SPTBN1: variants seen among roughly 807,000 people sequenced by gnomAD.
The protein encoded by SPTBN1 is spectrin beta chain, non-erythrocytic 1.
SPTBN1 carries 32 observed loss-of-function variants against 266.4 expected under a neutral mutation model. That is an observed-to-expected ratio of 0.12 (90% CI 0.09 to 0.16). The LOEUF is 0.16. Ranked by LOEUF, SPTBN1 falls within the 10% of genes least tolerant of loss-of-function variation. SPTBN1 has a pLI of 1.00. For missense variants in SPTBN1, 2,296 were observed against 3,067.1 expected (o/e 0.75, Z 5.94); for synonymous variants, 1,336 against 1,162.2 (o/e 1.15, Z -3.04).
chr2:54,534,456 T>C (rs954514237), intron 2 of SPTBN1, among the ~76,000 whole-genome samples: 15 of 152,204 alleles, frequency 9.9e-5, no homozygotes, highest in African/African-American at 3.4e-4. Context: ...AAAGAGCATT[T>C]TATATCCAAG....
intron 6 of SPTBN1, 52 bp from the exon 7 acceptor site, chr2:54,618,026 T>C: frequency 1.4e-6 from 2 of 1,416,576 alleles, no homozygotes; most frequent in Non-Finnish European, 2.0e-6. Flanking sequence ...TCATTAGTCA[T>C]ATTTCTTTTC....
At chr2:54,499,350 C>T (rs555691545) in intron 1 of SPTBN1, among the ~76,000 whole-genome samples, 13 of 152,208 alleles carry the variant, frequency 8.5e-5, no homozygotes, top group South Asian at 2.1e-4. Context: ...CCATACCACC[C>T]GATGCAGTTT....
chr2:54,565,459 G>A (rs1391931441), intron 2 of SPTBN1, among the ~76,000 whole-genome samples: 1 of 152,188 alleles, frequency 6.6e-6, no homozygotes, highest in Non-Finnish European at 1.5e-5. Context: ...ACCCTCAGGT[G>A]GGGTCAGTTA....
intron 1 of SPTBN1, among the ~76,000 whole-genome samples, chr2:54,520,795 A>G (rs745643267): frequency 2.4e-4 from 36 of 151,920 alleles, no homozygotes; most frequent in Non-Finnish European, 4.3e-4. Flanking sequence ...TATTCATTCA[A>G]AAGTTATTTA....
At position 54,645,319 on chromosome 2, in the gene SPTBN1, G is replaced by A. The variant is rs756028022; in HGVS notation, c.4360G>A (p.Asp1454Asn). The A allele has an allele frequency of 6.2e-7, 1 of 1,614,210 alleles. No individual in the cohort carries two copies. The highest frequency in any genetic ancestry group is 8.5e-7 in the Non-Finnish European group (1 of 1,180,038). ...QALSQEGKST[D>N]EVDSKRLTVQ... The stretch of plus-strand genomic sequence containing the variant: ...CCTGAGTCAGGAAGGGAAGAGCACC[G>A]ACGAGGTAGACAGCAAGCGCCTCAC... Residue 1454 changes from aspartate (D) to asparagine (N), a missense_variant, in exon 21 of 36, where the codon GAC (aspartate) becomes AAC (asparagine). Physicochemically the swap from Asp to Asn is conservative, Grantham distance 23. This residue lies in a region of SPTBN1 where 386 missense variants were observed against 486.1 expected (regional missense o/e 0.79). Transcript: ENST00000356805. This position sits in a 1 kb window ranked among gnomAD's most constrained non-coding sequence, Gnocchi z 4.3.
Position 54,612,322 on chromosome 2 carries a change from C to T in SPTBN1, c.462C>T (p.Ile154=), listed in dbSNP as rs751710459. ...RLTLGLIWTI[I]LRFQIQDISV... Reference sequence around the variant, plus strand: ...CCCTTGGCCTCATCTGGACCATCATCCTGCGCTTCCAGGTAAGGGTCTCTG... The same window carrying T: ...CCCTTGGCCTCATCTGGACCATCATTCTGCGCTTCCAGGTAAGGGTCTCTG... Residue 154 remains isoleucine, a synonymous_variant, in exon 4 of 36, where the codon ATC becomes ATT. Transcript: ENST00000356805. 1.2e-6 allele frequency: 2 copies of T among 1,612,142 alleles called. No individual in the cohort carries two copies. Among genetic ancestry groups the T allele is most frequent in the South Asian group, 2.2e-5 (2 of 90,876 alleles).
At chr2:54,605,153 T>C (rs1676758152) in intron 3 of SPTBN1, among the ~76,000 whole-genome samples, 1 of 152,174 alleles carries the variant, frequency 6.6e-6, no homozygotes, top group Admixed American at 6.5e-5. Flanking sequence ...CTCTGCTCCA[T>C]TGTGTTTAAT....
chr2:54,599,212 A>G lies in SPTBN1; in HGVS notation c.269A>G (p.Lys90Arg), dbSNP rs1200931698. The change falls in exon 3 of 36, where the codon AAG (lysine) becomes AGG (arginine). Residue 90 changes from lysine to arginine, a missense_variant. Lys to Arg is a conservative substitution (Grantham distance 26). Coordinates refer to ENST00000356805, the MANE Select transcript of SPTBN1 (RefSeq NM_003128.3). ...CTTCGAGATGGACGGATGCTCATCA[A>G]GCTGCTGGAGGTCCTCTCTGGAGAG... Reference protein sequence around the residue: ...TDLRDGRMLIKLLEVLSGERL... With the variant: ...TDLRDGRMLIRLLEVLSGERL... 3 of 1,614,062 alleles carry G rather than the reference A, an allele frequency of 1.9e-6. No homozygotes were observed. The highest frequency in any genetic ancestry group is 1.7e-5 in the Admixed American group (1 of 59,990).
intron 29 of SPTBN1, among the ~76,000 whole-genome samples, chr2:54,656,880 G>C (rs901013384): frequency 6.6e-6 from 1 of 152,188 alleles, no homozygotes; most frequent in Non-Finnish European, 1.5e-5. Flanking sequence ...CCGGGCACCA[G>C]CTTGTACACC....
rs542795935 is a variant in SPTBN1, at chr2:54,645,375, G to C, written c.4416G>C (p.Glu1472Asp). ...TVQTKFMELL[E>D]PLNERKHNLL... ...AGACCAAGTTCATGGAGTTGCTGGA[G>C]CCCTTGAACGAGAGGAAGCATAACC... Residue 1472 changes from glutamate (E) to aspartate (D), a missense_variant, in exon 21 of 36, where the codon GAG becomes GAC. Physicochemically the swap from Glu to Asp is conservative, Grantham distance 45. Transcript: ENST00000356805. The surrounding 1 kb of genome is among the most constrained non-coding windows in gnomAD (Gnocchi z 4.3). 1 of 1,614,200 alleles carries C rather than the reference G, an allele frequency of 6.2e-7. No individual in the cohort carries two copies. The highest frequency in any genetic ancestry group is 1.1e-5 in the South Asian group (1 of 91,084).
chr2:54,603,431 G>T (rs932040864), intron 3 of SPTBN1, among the ~76,000 whole-genome samples: 3 of 152,120 alleles, frequency 2.0e-5, no homozygotes, highest in Admixed American at 6.5e-5. Context: ...AATGAAGTGG[G>T]CAACCTCTGC....
chr2:54,481,817 G>A (rs981982575), intron 1 of SPTBN1, among the ~76,000 whole-genome samples: 1 of 152,146 alleles, frequency 6.6e-6, no homozygotes, highest in Non-Finnish European at 1.5e-5. Context: ...AGATTTGGAG[G>A]TGTGTTTTAT....
At chr2:54,607,793 T>G (rs989186595) in intron 3 of SPTBN1, among the ~76,000 whole-genome samples, 3 of 152,132 alleles carry the variant, frequency 2.0e-5, no homozygotes, top group African/African-American at 7.2e-5. Flanking sequence ...AAAATAAAAT[T>G]TTTCTACTTG....
At chr2:54,607,350 G>A (rs1405669756) in intron 3 of SPTBN1, among the ~76,000 whole-genome samples, 4 of 152,146 alleles carry the variant, frequency 2.6e-5, no homozygotes, top group African/African-American at 9.7e-5. Flanking sequence ...GAGGCCGGGG[G>A]GCTGGCTCAC....
At chr2:54,576,464 A>G (rs754264295) in intron 2 of SPTBN1, among the ~76,000 whole-genome samples, 1 of 149,776 alleles carries the variant, frequency 6.7e-6, no homozygotes, top group Non-Finnish European at 1.5e-5. Flanking sequence ...TGTTACTTCA[A>G]TTTTTTTTTT....
chr2:54,530,879 A>G (rs1375881720), intron 2 of SPTBN1, among the ~76,000 whole-genome samples: 1 of 152,062 alleles, frequency 6.6e-6, no homozygotes, highest in Non-Finnish European at 1.5e-5. Context: ...TGCTAATTCC[A>G]TGACTTTGGG....
At chr2:54,661,114 C>T in intron 32 of SPTBN1, 1 of 985,368 alleles carries the variant, frequency 1.0e-6, no homozygotes, top group African/African-American at 1.7e-5. Context: ...TTGGATTAAT[C>T]TTCTGATTCA....
Position 54,653,954 on chromosome 2 carries a change from A to G in SPTBN1, c.5822+101A>G. 1 of 1,518,742 alleles carries G rather than the reference A, an allele frequency of 6.6e-7. No individual in the cohort carries two copies. Among genetic ancestry groups the G allele is most frequent in the African/African-American group, 1.4e-5 (1 of 71,256 alleles). The allele number at this position is 1,518,742 out of a possible 1,614,324, so 94.1% of individuals were successfully genotyped here. A position where few individuals can be genotyped will look rare whatever the true frequency, so the allele number is the denominator to read the frequency against. ...GGAGCCTTGAAAGCGTTCCTGCCTG[A>G]GCGCTTCAAGGCCAGAGTGGGGGTG... is the stretch of plus-strand genomic sequence containing the variant. On this transcript the variant is annotated intron_variant, in intron 27 of 35. Transcript: ENST00000356805. This position sits in a 1 kb window ranked among gnomAD's most constrained non-coding sequence, Gnocchi z 5.1.
At position 54,597,334 on chromosome 2, in the gene SPTBN1, C is replaced by T. The variant is rs575960594; in HGVS notation, c.149-1758C>T. ...AAGTTGCCATCCATCACAATGATTA[C>T]GTGATCAATAATGCATGTGGTCTTT... On this transcript the variant is annotated intron_variant, in intron 2 of 35. Transcript: ENST00000356805. Among the ~76,000 whole-genome samples the T allele has an allele frequency of 1.1e-4, 16 of 152,328 alleles. No individual in the cohort carries two copies. In the South Asian group the frequency reaches 1.9e-3, roughly 18 times the overall value.
Sources: allele counts gnomAD v4.1 joint callset (sites outside exome capture counted in the v4.1 genomes callset), GRCh38; gene constraint gnomAD v4.1.1; regional missense constraint gnomAD v4.1.1; non-coding constraint Gnocchi (gnomAD v3.1); transcripts MANE v1.5; gene names NCBI Gene and HGNC (gene_info 2026-07-23, HGNC 2026-07-21).